The following POPDC1 variants were observed in gnomAD, a reference collection of about 807,000 sequenced individuals.
The protein encoded by POPDC1 is popeye domain-containing protein 1.
At chr6:105,109,129 T>C in the POPDC1 span, among the ~76,000 whole-genome samples, 1 of 152,120 alleles carries the variant, frequency 6.6e-6, no homozygotes, top group East Asian at 1.9e-4. Context: ...TGCTATTTTT[T>C]GTATTTTTTG....
At chr6:105,099,231 G>A in the POPDC1 span, 2 of 152,184 alleles carry the variant, frequency 1.3e-5, no homozygotes, top group African/African-American at 4.8e-5. Context: ...CAGAGTCTGT[G>A]TAAATTTTCT....
the POPDC1 span, among the ~76,000 whole-genome samples, chr6:105,102,443 A>G: frequency 6.6e-6 from 1 of 152,166 alleles, no homozygotes; most frequent in African/African-American, 2.4e-5. Flanking sequence ...AGGGAGGCTG[A>G]GACAGCGGCA....
the POPDC1 span, among the ~76,000 whole-genome samples, chr6:105,125,181 T>C: frequency 1.2e-4 from 19 of 152,202 alleles, no homozygotes; most frequent in African/African-American, 4.6e-4. Flanking sequence ...AATCCTGACA[T>C]CAAGATTCAG....
the POPDC1 span, among the ~76,000 whole-genome samples, chr6:105,133,018 C>T: frequency 6.6e-6 from 1 of 152,262 alleles, no homozygotes; most frequent in South Asian, 2.1e-4. Flanking sequence ...GATTAAATCA[C>T]TTGCCCAAGT....
the POPDC1 span, chr6:105,097,852 T>C: frequency 8.5e-5 from 13 of 152,216 alleles, no homozygotes; most frequent in Admixed American, 8.5e-4. Context: ...GGATAGTAAC[T>C]GAAAATAATT....
the POPDC1 span, among the ~76,000 whole-genome samples, chr6:105,131,523 C>T: frequency 6.6e-6 from 1 of 152,094 alleles, no homozygotes; most frequent in Non-Finnish European, 1.5e-5. Flanking sequence ...TCAAGCCGTC[C>T]TCCCACCTCA....
chr6:105,107,250 T>A, the POPDC1 span, among the ~76,000 whole-genome samples: 1 of 152,216 alleles, frequency 6.6e-6, no homozygotes, highest in Non-Finnish European at 1.5e-5. Flanking sequence ...CTTAACATAA[T>A]GAGAGGAGGC....
At chr6:105,131,462 G>A in the POPDC1 span, among the ~76,000 whole-genome samples, 16 of 151,892 alleles carry the variant, frequency 1.1e-4, no homozygotes, top group African/African-American at 3.9e-4. Flanking sequence ...TTTGAGACAG[G>A]GTCTTGCTCT....
chr6:105,131,519 C>T, the POPDC1 span, among the ~76,000 whole-genome samples: 1 of 152,206 alleles, frequency 6.6e-6, no homozygotes, highest in South Asian at 2.1e-4. Context: ...AGGCTCAAGC[C>T]GTCCTCCCAC....
chr6:105,124,521 TC>T, the POPDC1 span: 1 of 1,476,570 alleles, frequency 6.8e-7, no homozygotes. Flanking sequence ...AGTTTCAATC[TC>T]CTTAAAAATC....
At chr6:105,112,973 C>T in the POPDC1 span, among the ~76,000 whole-genome samples, 1 of 151,882 alleles carries the variant, frequency 6.6e-6, no homozygotes, top group African/African-American at 2.4e-5. Context: ...CTCTATCACC[C>T]AGGCTTCCGT....
At chr6:105,106,298 G>A in the POPDC1 span, among the ~76,000 whole-genome samples, 1 of 152,172 alleles carries the variant, frequency 6.6e-6, no homozygotes, top group Admixed American at 6.5e-5. Flanking sequence ...ACTTCCATAA[G>A]GACCAAGGCA....
the POPDC1 span, among the ~76,000 whole-genome samples, chr6:105,132,123 G>C: frequency 6.6e-6 from 1 of 152,038 alleles, no homozygotes; most frequent in African/African-American, 2.4e-5. Flanking sequence ...CTGCCACCAT[G>C]CCTGGCTAAT....
At chr6:105,112,263 C>G in the POPDC1 span, among the ~76,000 whole-genome samples, 1 of 152,060 alleles carries the variant, frequency 6.6e-6, no homozygotes, top group Non-Finnish European at 1.5e-5. Flanking sequence ...GACAGAGAGA[C>G]AGAGAGAGAT....
chr6:105,105,238 G>C, the POPDC1 span, among the ~76,000 whole-genome samples: 1 of 152,202 alleles, frequency 6.6e-6, no homozygotes, highest in South Asian at 2.1e-4. Context: ...TTCCACCTTG[G>C]TAGACACACT....
chr6:105,113,230 C>T, the POPDC1 span, among the ~76,000 whole-genome samples: 3 of 152,100 alleles, frequency 2.0e-5, no homozygotes, highest in East Asian at 5.8e-4. Context: ...CTGTGCCTGG[C>T]CAAGCATGAG....
At chr6:105,132,638 T>C in the POPDC1 span, among the ~76,000 whole-genome samples, 1 of 152,186 alleles carries the variant, frequency 6.6e-6, no homozygotes, top group Non-Finnish European at 1.5e-5. Context: ...CCTGAATAAA[T>C]GGGCCATCAG....
the POPDC1 span, among the ~76,000 whole-genome samples, chr6:105,106,338 T>A: frequency 9.2e-5 from 14 of 152,158 alleles, no homozygotes. Context: ...GGAGCACAAT[T>A]GTGCTCTGGG....
chr6:105,129,787 T>C, the POPDC1 span, among the ~76,000 whole-genome samples: 6 of 152,206 alleles, frequency 3.9e-5, no homozygotes, highest in African/African-American at 2.4e-5. Context: ...AGGCAGGATA[T>C]AGCAAAACAC....
Sources: allele counts gnomAD v4.1 joint callset (sites outside exome capture counted in the v4.1 genomes callset), GRCh38; gene constraint gnomAD v4.1.1; transcripts MANE v1.5; gene names NCBI Gene and HGNC (gene_info 2026-07-23, HGNC 2026-07-21).